Variants in P3H2 observed in about 807,000 individuals in gnomAD.
P3H2 encodes prolyl 3-hydroxylase 2, also known as leprecan-like 1.
A neutral mutation model predicts 87.0 loss-of-function variants in P3H2; 80 were observed. That is an observed-to-expected ratio of 0.92 (90% CI 0.77 to 1.11). The LOEUF (loss-of-function observed/expected upper bound fraction) is 1.11, where lower values mean the gene tolerates loss of function less well. Among genes scored for constraint, P3H2 ranks in the 50% least tolerant of loss-of-function variants. The pLI is 0.00. For synonymous variants in P3H2, 367 were observed against 359.3 expected (o/e 1.02, Z -0.24); for missense variants, 1,001 against 923.9 (o/e 1.08, Z -1.08).
At chr3:190,061,235 C>G (rs1334462987) in intron 1 of P3H2, among the ~76,000 whole-genome samples, 1 of 152,086 alleles carries the variant, frequency 6.6e-6, no homozygotes, top group African/African-American at 2.4e-5. Context: ...TTTTTTTCCT[C>G]TGGACCTTAG....
intron 1 of P3H2, among the ~76,000 whole-genome samples, chr3:190,033,463 T>G (rs1016986167): frequency 6.6e-6 from 1 of 152,236 alleles, no homozygotes; most frequent in Non-Finnish European, 1.5e-5. Context: ...CTCATACTCC[T>G]TGAGAGAAAA....
At chr3:190,092,922 T>C (rs1276195638) in intron 1 of P3H2, among the ~76,000 whole-genome samples, 1 of 152,154 alleles carries the variant, frequency 6.6e-6, no homozygotes, top group African/African-American at 2.4e-5. Flanking sequence ...CTTCCTTTAC[T>C]TTCTAATCCC....
intron 8 of P3H2, among the ~76,000 whole-genome samples, chr3:189,979,459 T>A (rs1723457413): frequency 6.6e-6 from 1 of 151,964 alleles, no homozygotes; most frequent in South Asian, 2.1e-4. Flanking sequence ...CTTTTTATGT[T>A]TACCATCTTA....
chr3:190,009,076 G>A (rs529875308), intron 1 of P3H2, among the ~76,000 whole-genome samples: 1 of 152,172 alleles, frequency 6.6e-6, no homozygotes, highest in East Asian at 1.9e-4. Flanking sequence ...AGGCAGAGGT[G>A]CTGGGAAGGG....
intron 14 of P3H2, among the ~76,000 whole-genome samples, chr3:189,959,326 A>C (rs919358146): frequency 6.6e-6 from 1 of 150,566 alleles, no homozygotes; most frequent in Non-Finnish European, 1.5e-5. Context: ...ACATATGTAT[A>C]CATGTGCCAT....
intron 3 of P3H2, among the ~76,000 whole-genome samples, chr3:189,993,672 T>C (rs1723950064): frequency 6.6e-6 from 1 of 152,150 alleles, no homozygotes; most frequent in Non-Finnish European, 1.5e-5. Context: ...CACTCATCAC[T>C]AAAGGACTAG....
intron 1 of P3H2, among the ~76,000 whole-genome samples, chr3:190,043,716 A>G (rs1049263510): frequency 6.6e-6 from 1 of 152,218 alleles, no homozygotes; most frequent in African/African-American, 2.4e-5. Context: ...ACTGTTGTTG[A>G]TATCAATCAA....
intron 3 of P3H2, among the ~76,000 whole-genome samples, chr3:189,992,568 C>T (rs1178725436): frequency 2.0e-5 from 3 of 152,106 alleles, no homozygotes; most frequent in African/African-American, 7.2e-5. Context: ...ATAAATTATC[C>T]TTTGCCTACT....
Position 190,120,699 on chromosome 3 carries a change from C to T in P3H2, c.33G>A (p.Leu11=), listed in dbSNP as rs1027674649. The change falls in exon 1 of 15, where the codon CTG becomes CTA. Residue 11 remains leucine, a synonymous_variant. Transcript: ENST00000319332. ...GCGGCAGTAGCAGCGGCAGCAGCAG[C>T]AGCAGCGGCGGCGCCCAGATGCGCT... MRERIWAPPL[L]LLLPLLLPPP... The T allele has an allele frequency of 1.1e-5, 17 of 1,520,930 alleles. No individual in the cohort carries two copies. In the Middle Eastern group the frequency reaches 8.6e-4, roughly 77 times the overall value. 94.2% of individuals were successfully genotyped at this position (1,520,930 alleles called of 1,614,324 possible).
At chr3:190,032,147 T>A (rs1356240909) in intron 1 of P3H2, among the ~76,000 whole-genome samples, 1 of 152,242 alleles carries the variant, frequency 6.6e-6, no homozygotes, top group Non-Finnish European at 1.5e-5. Flanking sequence ...CCATATCCTA[T>A]TCTGAAGTGG....
At chr3:190,030,684 A>T (rs1725224528) in intron 1 of P3H2, among the ~76,000 whole-genome samples, 1 of 152,234 alleles carries the variant, frequency 6.6e-6, no homozygotes, top group South Asian at 2.1e-4. Context: ...TTTGAAAATT[A>T]AAAGTAATGA....
intron 2 of P3H2, 125 bp downstream of exon 2, chr3:189,995,165 A>C: frequency 1.1e-6 from 1 of 918,836 alleles, no homozygotes; most frequent in Non-Finnish European, 1.6e-6. Flanking sequence ...TGAAAGTCCA[A>C]AAATGTTACT....
In P3H2 at chr3:189,986,817, C is replaced by T. The variant is rs1365566297; in HGVS notation, c.1159G>A (p.Glu387Lys). The change falls in exon 6 of 15, where the codon GAA becomes AAA. Residue 387 changes from glutamate to lysine, a missense_variant. Glu to Lys is a moderately conservative substitution (Grantham distance 56). Transcript: ENST00000319332. ...TCAGTGTATGAAAACCCCAGACCTT[C>T]TGCAGCTGATTTTATCAGCTCAGAC... ...LESELIKSAA[E>K]GLGFSYTEPN... The T allele has an allele frequency of 6.2e-7, 1 of 1,612,806 alleles. No homozygotes were observed. The highest frequency in any genetic ancestry group is 1.1e-5 in the South Asian group (1 of 91,050).
rs2108899286 is a variant in P3H2 at position 189,957,935 on chromosome 3, T to C, written c.2104A>G (p.Ile702Val). 6.2e-7 allele frequency: 1 copy of C among 1,610,138 alleles called. No homozygotes were observed. The highest frequency in any genetic ancestry group is 1.3e-5 in the African/African-American group (1 of 74,990). The change falls in exon 15 of 15, where the codon ATC becomes GTC. Residue 702 changes from isoleucine (I) to valine (V), a missense_variant. Transcript: ENST00000319332. ...QEQQGKHELN[I>V]NPKDEL is the part of the protein sequence containing the mutation. ...TTTTATAGCTCATCTTTAGGGTTGA[T>C]ATTCAGTTCATGCTTCCCTTGCTGT...
intron 14 of P3H2, among the ~76,000 whole-genome samples, chr3:189,958,350 CT>C (rs1456205402): frequency 6.6e-6 from 1 of 152,160 alleles, no homozygotes; most frequent in Non-Finnish European, 1.5e-5. Flanking sequence ...TTCACGTAGG[CT>C]CTCTCTCGGT....
In P3H2 at chr3:190,054,315, T is replaced by C. The variant is rs1219272953; in HGVS notation, c.481-58873A>G. Among the ~76,000 whole-genome samples, 3 of 152,272 alleles carry C rather than the reference T, an allele frequency of 2.0e-5. No individual in the cohort carries two copies. In the East Asian group the frequency reaches 5.8e-4, roughly 29 times the overall value. ...AATCTTGAATAATTTGCAGGGCAACTAGCCTGGTCTCTGAGGATCTGGTGA... is the reference window on the plus strand; with the variant it reads ...AATCTTGAATAATTTGCAGGGCAACCAGCCTGGTCTCTGAGGATCTGGTGA... On this transcript the variant is annotated intron_variant, in intron 1 of 14. Transcript: ENST00000319332.
chr3:190,110,569 T>C (rs182316242), intron 1 of P3H2, among the ~76,000 whole-genome samples: 2 of 152,366 alleles, frequency 1.3e-5, no homozygotes, highest in Admixed American at 1.3e-4. Context: ...GGATTTCATA[T>C]GAAAATATTA....
chr3:190,011,820 T>A (rs1724598946), intron 1 of P3H2, among the ~76,000 whole-genome samples: 1 of 152,090 alleles, frequency 6.6e-6, no homozygotes, highest in Non-Finnish European at 1.5e-5. Flanking sequence ...TACTCTCGAA[T>A]GAAAAAAGCA....
At chr3:190,039,575 T>TTGCTTG (rs1290879177) in intron 1 of P3H2, among the ~76,000 whole-genome samples, 21 of 152,094 alleles carry the variant, frequency 1.4e-4, no homozygotes, top group African/African-American at 4.8e-4. Context: ...TAGCATGGAG[T>TTGCTTG]AACCACTACA....
Sources: allele counts gnomAD v4.1 joint callset (sites outside exome capture counted in the v4.1 genomes callset), GRCh38; gene constraint gnomAD v4.1.1; transcripts MANE v1.5; gene names NCBI Gene and HGNC (gene_info 2026-07-23, HGNC 2026-07-21).